The following RIPOR3 variants were observed in gnomAD, a reference collection of about 807,000 sequenced individuals.
RIPOR3 encodes RIPOR family member 3.
In RIPOR3, 95 loss-of-function variants were observed where a neutral mutation model predicts 114.3. The observed-to-expected ratio is 0.83, with a 90% CI of 0.70 to 0.99. RIPOR3 has a LOEUF of 0.99. Ranked by LOEUF, RIPOR3 falls within the 50% of genes least tolerant of loss-of-function variation. The pLI, the probability that RIPOR3 is intolerant of heterozygous loss-of-function variation, is 0.00. For missense variants in RIPOR3, 1,252 were observed against 1,266.9 expected, an observed-to-expected ratio of 0.99 and a Z score of 0.18; for synonymous variants, 575 against 543.8, an observed-to-expected ratio of 1.06 and a Z score of -0.80.
chr20:50,591,533 G>A (rs1407781098), intron 19 of RIPOR3, among the ~76,000 whole-genome samples: 5 of 152,198 alleles, frequency 3.3e-5, no homozygotes. Flanking sequence ...CAACCACAAA[G>A]TAGGCGGATG....
chr20:50,609,815 CTG>C, intron 6 of RIPOR3, 93 bp from the exon 7 acceptor site: 1 of 1,329,370 alleles, frequency 7.5e-7, no homozygotes, highest in Admixed American at 3.7e-5. Flanking sequence ...GAGGCCCTCC[CTG>C]AGCTAAGCAC....
chr20:50,641,268 G>A (rs1488006194), intron 1 of RIPOR3, among the ~76,000 whole-genome samples: 2 of 152,044 alleles, frequency 1.3e-5, no homozygotes, highest in Admixed American at 1.3e-4. Flanking sequence ...AGGCTGGAGT[G>A]CAGTGGTGGG....
At chr20:50,609,214 T>C in intron 8 of RIPOR3, 79 bp downstream of exon 8, 1 of 1,537,192 alleles carries the variant, frequency 6.5e-7, no homozygotes, top group East Asian at 2.3e-5. Context: ...CCTGGGATTC[T>C]GGCCAATTCC....
At chr20:50,661,266 A>G (rs373143855) in intron 1 of RIPOR3, among the ~76,000 whole-genome samples, 1 of 151,196 alleles carries the variant, frequency 6.6e-6, no homozygotes, top group South Asian at 2.1e-4. Context: ...GTAGGGACAC[A>G]GTTTCACTAT....
chr20:50,646,066 C>T (rs1479786103), intron 1 of RIPOR3, among the ~76,000 whole-genome samples: 1 of 152,174 alleles, frequency 6.6e-6, no homozygotes, highest in African/African-American at 2.4e-5. Context: ...GCAGAAAAGT[C>T]AGATTTTTTT....
intron 1 of RIPOR3, among the ~76,000 whole-genome samples, chr20:50,639,949 T>TCTCCAGACACTGCCACAC: frequency 6.6e-6 from 1 of 151,990 alleles, no homozygotes; most frequent in African/African-American, 2.4e-5. Context: ...GCCTGGCACA[T>TCTCCAGACACTGCCACAC]CTCCAGACAC....
chr20:50,669,458 G>A (rs1333047368), intron 1 of RIPOR3, among the ~76,000 whole-genome samples: 1 of 152,172 alleles, frequency 6.6e-6, no homozygotes, highest in Non-Finnish European at 1.5e-5. Flanking sequence ...CAGGCCTGAG[G>A]CACCTGGCTA....
intron 13 of RIPOR3, among the ~76,000 whole-genome samples, chr20:50,599,683 C>T (rs1164466439): frequency 6.6e-6 from 1 of 152,144 alleles, no homozygotes; most frequent in African/African-American, 2.4e-5. Flanking sequence ...GAAGGCAAAG[C>T]ATTGCCTCGC....
intron 2 of RIPOR3, 145 bp downstream of exon 2, chr20:50,630,593 C>T: frequency 1.6e-6 from 1 of 623,438 alleles, no homozygotes; most frequent in South Asian, 2.0e-5. Context: ...CTCTCTCTCT[C>T]TCTCTCTGTC....
intron 13 of RIPOR3, among the ~76,000 whole-genome samples, chr20:50,599,262 C>T (rs2083411264): frequency 6.6e-6 from 1 of 152,004 alleles, no homozygotes; most frequent in South Asian, 2.1e-4. Context: ...CATGATGGTA[C>T]GTGCCTGTAA....
At chr20:50,615,605 G>A (rs1432937884) in intron 4 of RIPOR3, among the ~76,000 whole-genome samples, 1 of 149,894 alleles carries the variant, frequency 6.7e-6, no homozygotes, top group African/African-American at 2.5e-5. Context: ...GAAGGAACAC[G>A]CAGGCTTCAT....
intron 1 of RIPOR3, among the ~76,000 whole-genome samples, chr20:50,690,181 A>G (rs908582471): frequency 6.6e-6 from 1 of 152,248 alleles, no homozygotes; most frequent in Admixed American, 6.5e-5. Flanking sequence ...GTTTCATCCA[A>G]AAACACTGCA....
At position 50,596,240 on chromosome 20, in the gene RIPOR3, G is replaced by A. The variant is rs373141664; in HGVS notation, c.1814C>T (p.Pro605Leu). 4.3e-5 allele frequency: 70 copies of A among 1,614,032 alleles called. No individual in the cohort carries two copies. The highest frequency in any genetic ancestry group is 5.1e-5 in the Non-Finnish European group (60 of 1,180,016). Residue 605 changes from proline to leucine, a missense_variant, in exon 15 of 22, where the codon CCG (proline) becomes CTG (leucine). Pro to Leu is a moderately conservative substitution (Grantham distance 98). Transcript: ENST00000327979. ...CCTGGATGACGCTTTCAGTGATGAC[G>A]GTGGGGGCAGGGGCCGGTCCTTTCT... is the stretch of plus-strand genomic sequence containing the variant. ...GLRKDRPLPP[P>L]SSLKASSREL...
chr20:50,676,905 C>A (rs6122958), intron 1 of RIPOR3, among the ~76,000 whole-genome samples: 1 of 151,858 alleles, frequency 6.6e-6, no homozygotes, highest in East Asian at 2.0e-4. Context: ...ACACCCAGCC[C>A]AGATACTGGG....
In RIPOR3 at chr20:50,610,910, C is replaced by G. The variant is rs759490614; in HGVS notation, c.373-4G>C. 2 of 1,614,090 alleles carry G rather than the reference C, an allele frequency of 1.2e-6. No homozygotes were observed. The highest frequency in any genetic ancestry group is 2.7e-5 in the African/African-American group (2 of 74,942). ...GCCTTTCCACACAGCGCGTTTGCTT[C>G]TCCCGGAAAAAGGGAAGATGTTTGC... On this transcript the variant is annotated splice_region_variant and splice_polypyrimidine_tract_variant and intron_variant, in intron 5 of 21. Coordinates refer to ENST00000327979, the MANE Select transcript of RIPOR3 (RefSeq NM_001290268.2).
At chr20:50,625,318 T>G (rs1397949634) in intron 2 of RIPOR3, among the ~76,000 whole-genome samples, 6 of 152,214 alleles carry the variant, frequency 3.9e-5, no homozygotes, top group Non-Finnish European at 2.9e-5. Context: ...GTGATCCGCC[T>G]GCCTTGGCCT....
intron 1 of RIPOR3, among the ~76,000 whole-genome samples, chr20:50,653,721 G>C (rs999870645): frequency 1.3e-5 from 2 of 151,950 alleles, no homozygotes; most frequent in Non-Finnish European, 2.9e-5. Context: ...CTCCCAAGTA[G>C]GTGGGACTAC....
chr20:50,610,165 C>T (rs182655464), intron 6 of RIPOR3, among the ~76,000 whole-genome samples: 21 of 142,074 alleles, frequency 1.5e-4, no homozygotes, highest in Admixed American at 7.7e-4. Context: ...CCCCTGCCAA[C>T]CCTGTCTCAC....
At chr20:50,610,504 C>T (rs1053958525) in intron 6 of RIPOR3, among the ~76,000 whole-genome samples, 2 of 152,210 alleles carry the variant, frequency 1.3e-5, no homozygotes, top group Non-Finnish European at 2.9e-5. Context: ...ATGTTCATCT[C>T]TGGACCTCTG....
Sources: allele counts gnomAD v4.1 joint callset (sites outside exome capture counted in the v4.1 genomes callset), GRCh38; gene constraint gnomAD v4.1.1; transcripts MANE v1.5; gene names NCBI Gene and HGNC (gene_info 2026-07-23, HGNC 2026-07-21).